Variants in XPR1 observed in about 807,000 individuals in gnomAD.
XPR1 encodes the protein solute carrier family 53 member 1.
XPR1 carries 28 observed loss-of-function variants against 87.5 expected under a neutral mutation model. The observed-to-expected ratio is 0.32, with a 90% CI of 0.24 to 0.44. XPR1 has a LOEUF of 0.44. Among genes scored for constraint, XPR1 ranks in the 20% least tolerant of loss-of-function variants. XPR1 has a pLI of 1.00. For synonymous variants in XPR1, 300 were observed against 306.1 expected, an observed-to-expected ratio of 0.98 and a Z score of 0.21; for missense variants, 559 against 862.3, an observed-to-expected ratio of 0.65 and a Z score of 4.41.
At chr1:180,670,923 A>G (rs973774908) in intron 1 of XPR1, among the ~76,000 whole-genome samples, 19 of 152,164 alleles carry the variant, frequency 1.2e-4, no homozygotes, top group South Asian at 8.3e-4. Flanking sequence ...TATGTTGGCA[A>G]TTTGACCTGG....
intron 2 of XPR1, among the ~76,000 whole-genome samples, chr1:180,719,327 A>G (rs531764561): frequency 6.7e-6 from 1 of 150,120 alleles, no homozygotes; most frequent in South Asian, 2.1e-4. Flanking sequence ...GAAACAATAA[A>G]GAAAAAAGTT....
At chr1:180,725,312 A>AT (rs1247382910) in intron 2 of XPR1, among the ~76,000 whole-genome samples, 1 of 151,908 alleles carries the variant, frequency 6.6e-6, no homozygotes, top group Non-Finnish European at 1.5e-5. Flanking sequence ...ATTTTTTTTG[A>AT]AGATCTGACT....
intron 2 of XPR1, among the ~76,000 whole-genome samples, chr1:180,761,336 C>T (rs980427706): frequency 6.6e-6 from 1 of 152,144 alleles, no homozygotes; most frequent in African/African-American, 2.4e-5. Flanking sequence ...AACAGGCAAC[C>T]TACAAAGTGG....
rs1161150438 is a variant in XPR1 at position 180,885,288 on chromosome 1, C to T, written c.*1222C>T. On this transcript the variant is annotated 3_prime_UTR_variant, in exon 15 of 15. Coordinates refer to ENST00000367590, the MANE Select transcript of XPR1 (RefSeq NM_004736.4). Reference sequence around the variant, plus strand: ...CTTCCTCATTCATATTATGTTGATACAAAAGACCTTGGCAGCCATTTCTCC... The same window carrying T: ...CTTCCTCATTCATATTATGTTGATATAAAAGACCTTGGCAGCCATTTCTCC... 2 of 152,604 alleles carry T rather than the reference C, an allele frequency of 1.3e-5. No homozygotes were observed. Among genetic ancestry groups the T allele is most frequent in the African/African-American group, 4.8e-5 (2 of 41,440 alleles). The allele number at this position is 152,604 out of a possible 1,614,324, so 9.5% of individuals were successfully genotyped here.
chr1:180,732,940 T>C (rs1658606171), intron 2 of XPR1, among the ~76,000 whole-genome samples: 1 of 152,078 alleles, frequency 6.6e-6, no homozygotes, highest in Non-Finnish European at 1.5e-5. Context: ...GTGGGAAGGT[T>C]TTCCCCTGGT....
In XPR1 at chr1:180,886,327, T is replaced by C. The variant is rs1653010445; in HGVS notation, c.*2261T>C. The C allele has an allele frequency of 6.6e-6, 1 of 152,250 alleles. No individual in the cohort carries two copies. The highest frequency in any genetic ancestry group is 1.5e-5 in the Non-Finnish European group (1 of 68,046). 9.4% of individuals were successfully genotyped at this position (152,250 alleles called of 1,614,324 possible). A position where few individuals can be genotyped will look rare whatever the true frequency, so the allele number is the denominator to read the frequency against. On this transcript the variant is annotated 3_prime_UTR_variant, in exon 15 of 15. Transcript: ENST00000367590. The stretch of plus-strand genomic sequence containing the variant: ...CAGGCATTTCTTATATAAATAAAAT[T>C]GGTGGTACTAATGTGTATCCAGAGA...
At chr1:180,748,061 G>C (rs1468471192) in intron 2 of XPR1, among the ~76,000 whole-genome samples, 1 of 152,148 alleles carries the variant, frequency 6.6e-6, no homozygotes, top group South Asian at 2.1e-4. Flanking sequence ...TAACCTGGTA[G>C]GTACCATACA....
At chr1:180,643,547 AC>A (rs1039448282) in intron 1 of XPR1, among the ~76,000 whole-genome samples, 10 of 152,160 alleles carry the variant, frequency 6.6e-5, no homozygotes, top group Admixed American at 1.3e-4. Flanking sequence ...TTAGCAACTC[AC>A]ATATTTGTTG....
Position 180,803,492 on chromosome 1 carries a change from C to G in XPR1, c.328C>G (p.Arg110Gly), listed in dbSNP as rs765277483. ...ESTGVTTLRQ[R>G]RKPVFHLSHE... ...CACTGGTGTTACTACGCTGCGACAA[C>G]GCAGAAAGCCAGTCTTCCACTTGTC... is the stretch of plus-strand genomic sequence containing the variant. The change falls in exon 4 of 15, where the codon CGC (arginine) becomes GGC (glycine). Residue 110 changes from arginine (R) to glycine (G), a missense_variant. Physicochemically the swap from Arg to Gly is moderately radical, Grantham distance 125. This residue lies in a region of XPR1 where 159 missense variants were observed against 263.3 expected (regional missense o/e 0.60). Coordinates refer to ENST00000367590, the MANE Select transcript of XPR1 (RefSeq NM_004736.4). 4.3e-6 allele frequency: 7 copies of G among 1,613,842 alleles called. No homozygotes were observed. The highest frequency in any genetic ancestry group is 3.3e-5 in the Admixed American group (2 of 59,988).
rs543049978 is a variant in XPR1, at chr1:180,736,903, G to A, written c.122-50850G>A. 9.2e-5 allele frequency among the ~76,000 whole-genome samples: 14 copies of A among 152,208 alleles called. No individual in the cohort carries two copies. In the South Asian group the frequency reaches 1.7e-3, roughly 18 times the overall value. The stretch of plus-strand genomic sequence containing the variant: ...AAGAGGCTGACAAGTCCAGTTTCTC[G>A]GAAAGAAATACTTAATAGGGACTTA... On this transcript the variant is annotated intron_variant, in intron 2 of 14. Transcript: ENST00000367590.
At chr1:180,757,595 C>A (rs1367850438) in intron 2 of XPR1, among the ~76,000 whole-genome samples, 1 of 149,450 alleles carries the variant, frequency 6.7e-6, no homozygotes, top group Non-Finnish European at 1.5e-5. Flanking sequence ...TGCATCACTA[C>A]AACCTCAAAC....
At chr1:180,852,475 C>T (rs930964107) in intron 11 of XPR1, among the ~76,000 whole-genome samples, 1 of 152,174 alleles carries the variant, frequency 6.6e-6, no homozygotes, top group East Asian at 1.9e-4. Flanking sequence ...TTTTACTTAT[C>T]GGTGGTCAAC....
intron 2 of XPR1, among the ~76,000 whole-genome samples, chr1:180,694,168 T>C (rs555569452): frequency 1.1e-4 from 17 of 152,240 alleles, no homozygotes; most frequent in African/African-American, 3.9e-4. Flanking sequence ...CTATGTTGCC[T>C]AGGCTGATCT....
At chr1:180,635,316 T>C (rs1286254694) in intron 1 of XPR1, among the ~76,000 whole-genome samples, 1 of 152,188 alleles carries the variant, frequency 6.6e-6, no homozygotes, top group Non-Finnish European at 1.5e-5. Flanking sequence ...CACCGGTAAA[T>C]CTTTGTAAGA....
chr1:180,685,887 T>C (rs1656753962), intron 2 of XPR1, among the ~76,000 whole-genome samples: 1 of 152,208 alleles, frequency 6.6e-6, no homozygotes, highest in Non-Finnish European at 1.5e-5. Context: ...TTTTCTTCTT[T>C]ATTAGTCTTA....
intron 1 of XPR1, among the ~76,000 whole-genome samples, chr1:180,632,621 A>G (rs1654626208): frequency 6.6e-6 from 1 of 152,108 alleles, no homozygotes; most frequent in Admixed American, 6.5e-5. Flanking sequence ...GTTCCGCGCT[A>G]ATCCCCTTCT....
chr1:180,769,459 C>T (rs1264231067), intron 2 of XPR1, among the ~76,000 whole-genome samples: 3 of 131,388 alleles, frequency 2.3e-5, no homozygotes, highest in Non-Finnish European at 4.8e-5. Context: ...CATCCTTTCT[C>T]TCTCTCTCTC....
At chr1:180,840,532 TTGTGTGTGTGTGTG>T (rs373937004) in intron 11 of XPR1, among the ~76,000 whole-genome samples, 2 of 110,438 alleles carry the variant, frequency 1.8e-5, no homozygotes, top group East Asian at 2.7e-4. Flanking sequence ...GTTAACATAT[TTGTGTGTGTGTGTG>T]TGTGTGTGTG....
intron 13 of XPR1, among the ~76,000 whole-genome samples, chr1:180,876,636 A>G (rs965790697): frequency 3.6e-5 from 5 of 137,798 alleles, no homozygotes; most frequent in African/African-American, 1.2e-4. Flanking sequence ...ACCCTGTCTC[A>G]AAAAAAAAAA....
Sources: gnomAD v4.1 joint callset for allele counts (sites outside exome capture counted in the v4.1 genomes callset) on GRCh38, gnomAD v4.1.1 for gene constraint, gnomAD v4.1.1 regional missense constraint, MANE v1.5 for transcripts, NCBI Gene and HGNC (gene_info 2026-07-23, HGNC 2026-07-21) for gene names.